SERPINB11: variants seen among roughly 807,000 people sequenced by gnomAD.
SERPINB11 encodes the protein serpin B11.
A neutral mutation model predicts 36.7 loss-of-function variants in SERPINB11; 32 were observed. The ratio of observed to expected loss-of-function variants is 0.87; its 90% CI spans 0.66 to 1.17. The LOEUF (loss-of-function observed/expected upper bound fraction) is 1.17. Among genes scored for constraint, SERPINB11 ranks in the 50% most tolerant of loss-of-function variants. The pLI is 0.00. For missense variants in SERPINB11, 528 were observed against 458.4 expected (o/e 1.15, Z -1.39); for synonymous variants, 174 against 168.1 (o/e 1.04, Z -0.27).
chr18:63,721,988 T>A (rs1914827255), intron 7 of SERPINB11, among the ~76,000 whole-genome samples: 2 of 152,180 alleles, frequency 1.3e-5, no homozygotes, highest in Non-Finnish European at 2.9e-5. Context: ...GGAAGTAGAC[T>A]ATGGGATTAG....
At chr18:63,705,846 A>G (rs925330138) in intron 1 of SERPINB11, 1 of 152,238 alleles carries the variant, frequency 6.6e-6, no homozygotes, top group African/African-American at 2.4e-5. Context: ...AATGCAGAAC[A>G]TAGTGTGAAG....
chr18:63,710,793 G>A (rs1914503434), intron 2 of SERPINB11, among the ~76,000 whole-genome samples: 1 of 152,154 alleles, frequency 6.6e-6, no homozygotes, highest in Non-Finnish European at 1.5e-5. Context: ...ACACTTTATG[G>A]ATTGAAAACT....
intron 5 of SERPINB11, among the ~76,000 whole-genome samples, chr18:63,718,456 T>G (rs1488056550): frequency 6.6e-6 from 1 of 152,046 alleles, no homozygotes; most frequent in Non-Finnish European, 1.5e-5. Flanking sequence ...TTTTTTCTTT[T>G]GATAACATTT....
chr18:63,710,661 G>A (rs115957528), intron 2 of SERPINB11, among the ~76,000 whole-genome samples: 76 of 152,146 alleles, frequency 5.0e-4, no homozygotes, highest in African/African-American at 1.6e-3. Context: ...TGTGATAAAG[G>A]TACTATTATT....
intron 2 of SERPINB11, 52 bp downstream of exon 2, chr18:63,710,413 C>A: frequency 1.4e-6 from 2 of 1,448,770 alleles, no homozygotes; most frequent in Non-Finnish European, 1.9e-6. Flanking sequence ...TTCATGCTCC[C>A]GCTCTGGGTC....
intron 5 of SERPINB11, among the ~76,000 whole-genome samples, chr18:63,718,825 G>GTA (rs1222681563): frequency 6.6e-6 from 1 of 151,036 alleles, no homozygotes; most frequent in Admixed American, 6.6e-5. Context: ...TATATTATTT[G>GTA]TATTAAGTCA....
Position 63,720,070 on chromosome 18 carries a change from T to C in SERPINB11, c.533T>C (p.Leu178Pro). 1 of 1,610,436 alleles carries C rather than the reference T, an allele frequency of 6.2e-7. No individual in the cohort carries two copies. Among genetic ancestry groups the C allele is most frequent in the Non-Finnish European group, 8.5e-7 (1 of 1,177,126 alleles). Residue 178 changes from leucine to proline, a missense_variant, in exon 6 of 8, where the codon CTG (leucine) becomes CCG (proline). Leu to Pro is a moderately conservative substitution (Grantham distance 98). Transcript: ENST00000544088. ...ATTGACCCTTCATCTGTAATGGTCC[T>C]GGTGAATGCCATATATTTCAAAGGA... ...STIDPSSVMV[L>P]VNAIYFKGQW...
In SERPINB11 at chr18:63,717,334, A is replaced by G. The variant is rs138799399; in HGVS notation, c.475+1182A>G. ...TCTCTTATAAATAGTGCTGCTGTGA[A>G]TATTTTTGATACATATCCCTGGTAC... On this transcript the variant is annotated intron_variant, in intron 5 of 7. Coordinates refer to ENST00000544088, the MANE Select transcript of SERPINB11 (RefSeq NM_001370475.1). 4.6e-5 allele frequency among the ~76,000 whole-genome samples: 7 copies of G among 152,170 alleles called. No homozygotes were observed. The East Asian group carries it at 1.2e-3, about 25-fold the overall frequency.
chr18:63,723,146 T>G lies in SERPINB11; in HGVS notation c.926T>G (p.Leu309Arg). 2 of 1,611,512 alleles carry G rather than the reference T, an allele frequency of 1.2e-6. No individual in the cohort carries two copies. Among genetic ancestry groups the G allele is most frequent in the Middle Eastern group, 1.7e-4 (1 of 6,060 alleles). The change falls in exon 8 of 8, where the codon CTC becomes CGC. Residue 309 changes from leucine to arginine, a missense_variant. Coordinates refer to ENST00000544088, the MANE Select transcript of SERPINB11 (RefSeq NM_001370475.1). Reference protein sequence around the residue: ...SLLKSLGVTDLFNQVKADLSG... With the variant: ...SLLKSLGVTDRFNQVKADLSG... ...TTAAAATCTCTAGGGGTGACAGATC[T>G]CTTCAACCAGGTCAAAGCTGATCTT...
Position 63,723,219 on chromosome 18 carries a change from C to T in SERPINB11, c.999C>T (p.His333=). 1.9e-6 allele frequency: 3 copies of T among 1,613,916 alleles called. No homozygotes were observed. Among genetic ancestry groups the T allele is most frequent in the South Asian group, 1.1e-5 (1 of 91,076 alleles). ...GCCTATATTTATCAAAAGCCATCCA[C>T]AAGTCATACCTGGATGTCAGCGAAG... is the stretch of plus-strand genomic sequence containing the variant. ...TKGLYLSKAI[H]KSYLDVSEEG... The change falls in exon 8 of 8, where the codon CAC becomes CAT. Residue 333 remains histidine (H), a synonymous_variant. Coordinates refer to ENST00000544088, the MANE Select transcript of SERPINB11 (RefSeq NM_001370475.1).
At position 63,720,915 on chromosome 18, in the gene SERPINB11, G is replaced by C. The variant is rs963701830; in HGVS notation, c.703G>C (p.Glu235Gln). Residue 235 changes from glutamate to glutamine, a missense_variant, in exon 7 of 8, where the codon GAG (glutamate) becomes CAG (glutamine). By Grantham distance (29) the Glu-to-Gln change is conservative. Coordinates refer to ENST00000544088, the MANE Select transcript of SERPINB11 (RefSeq NM_001370475.1). ...AAAGGAGCCGCAGATGCAAGTTCTTGAGCTGCCCTACGTTAACAACAAATT... is the reference window on the plus strand; with the variant it reads ...AAAGGAGCCGCAGATGCAAGTTCTTCAGCTGCCCTACGTTAACAACAAATT... ...FVKEPQMQVLELPYVNNKLSM... is the reference protein window; with the variant it reads ...FVKEPQMQVLQLPYVNNKLSM... 1 of 1,605,604 alleles carries C rather than the reference G, an allele frequency of 6.2e-7. No individual in the cohort carries two copies. Among genetic ancestry groups the C allele is most frequent in the Non-Finnish European group, 8.5e-7 (1 of 1,175,938 alleles).
chr18:63,719,931 G>A, intron 5 of SERPINB11, 82 bp from the exon 6 acceptor site: 1 of 1,116,376 alleles, frequency 9.0e-7, no homozygotes, highest in Non-Finnish European at 1.2e-6. Context: ...AAAAAGAAAT[G>A]GCTCTAAATT....
At chr18:63,708,067 C>A (rs548945896) in intron 1 of SERPINB11, among the ~76,000 whole-genome samples, 1 of 152,282 alleles carries the variant, frequency 6.6e-6, no homozygotes, top group African/African-American at 2.4e-5. Context: ...ATAGAAAGTG[C>A]AAATGCCCTG....
At chr18:63,718,768 A>G (rs538552599) in intron 5 of SERPINB11, among the ~76,000 whole-genome samples, 74 of 152,178 alleles carry the variant, frequency 4.9e-4, no homozygotes, top group South Asian at 1.5e-3. Context: ...AGGAACTGAC[A>G]GATGTCAAGT....
intron 3 of SERPINB11, 143 bp from the exon 4 acceptor site, chr18:63,712,422 G>A (rs76177945): frequency 0.025 from 19,317 of 781,284 alleles, 296 homozygotes; most frequent in Middle Eastern, 0.039. Flanking sequence ...AAAATCCAAG[G>A]AAGAAAATGC....
At chr18:63,710,092 T>TGG in intron 1 of SERPINB11, 87 bp from the exon 2 acceptor site, 2 of 1,115,936 alleles carry the variant, frequency 1.8e-6, no homozygotes, top group Non-Finnish European at 2.5e-6. Context: ...CCCTGATACT[T>TGG]AAACTCATGA....
chr18:63,711,452 A>G, intron 3 of SERPINB11, 58 bp downstream of exon 3: 1 of 1,314,706 alleles, frequency 7.6e-7, no homozygotes, highest in Non-Finnish European at 1.1e-6. Context: ...GGATGAAATA[A>G]TAGTCTGGGT....
At chr18:63,720,512 T>G (rs942247903) in intron 6 of SERPINB11, 2 of 342,398 alleles carry the variant, frequency 5.8e-6, no homozygotes, top group Non-Finnish European at 1.0e-5. Flanking sequence ...GAGGAAAGAT[T>G]AAAAAGAAAA....
chr18:63,713,776 A>G (rs1914590474), intron 4 of SERPINB11, among the ~76,000 whole-genome samples: 2 of 152,198 alleles, frequency 1.3e-5, no homozygotes, highest in South Asian at 4.1e-4. Flanking sequence ...TTCTCAAAAC[A>G]GTGACCCAGA....
Sources: allele counts gnomAD v4.1 joint callset (sites outside exome capture counted in the v4.1 genomes callset), GRCh38; gene constraint gnomAD v4.1.1; transcripts MANE v1.5; gene names NCBI Gene and HGNC (gene_info 2026-07-23, HGNC 2026-07-21).